DAB1: variants seen among roughly 807,000 people sequenced by gnomAD.
The protein encoded by DAB1 is DAB adaptor protein 1.
A neutral mutation model predicts 64.6 loss-of-function variants in DAB1; 15 were observed. The ratio of observed to expected loss-of-function variants is 0.23; its 90% CI spans 0.16 to 0.36. DAB1 has a LOEUF of 0.36. Ranked by LOEUF, DAB1 falls within the 10% of genes least tolerant of loss-of-function variation. The pLI is 1.00. For missense variants in DAB1, 596 were observed against 706.7 expected (o/e 0.84, Z 1.78); for synonymous variants, 235 against 251.9 (o/e 0.93, Z 0.64).
chr1:58,541,614 C>CAAAAAAAAAAA (rs60360589), intron 1 of DAB1: 17 of 65,616 alleles, frequency 2.6e-4, no homozygotes, highest in African/African-American at 3.6e-4. Context: ...GAGAACCTGT[C>CAAAAAAAAAAA]AAAAAAAAAA....
intron 5 of DAB1, among the ~76,000 whole-genome samples, chr1:57,900,020 CCT>C (rs1644451042): frequency 1.3e-5 from 2 of 151,874 alleles, no homozygotes; most frequent in Admixed American, 6.6e-5. Context: ...TTAACTGCAG[CCT>C]CTGACTCCTA....
intron 6 of DAB1, among the ~76,000 whole-genome samples, chr1:57,681,035 T>C (rs975420477): frequency 6.6e-5 from 10 of 152,328 alleles, no homozygotes; most frequent in East Asian, 5.8e-4. Flanking sequence ...ACTGGATGAC[T>C]TAAAATAATA....
At chr1:57,787,029 G>A (rs1313642349) in intron 6 of DAB1, among the ~76,000 whole-genome samples, 4 of 151,700 alleles carry the variant, frequency 2.6e-5, no homozygotes, top group Non-Finnish European at 4.4e-5. Flanking sequence ...CTAAATAAAT[G>A]GAAAGATAAA....
chr1:58,403,644 A>G (rs1644591263), intron 3 of DAB1, among the ~76,000 whole-genome samples: 1 of 152,186 alleles, frequency 6.6e-6, no homozygotes, highest in South Asian at 2.1e-4. Flanking sequence ...TCATGTGTAA[A>G]ATGCAAGGAA....
At chr1:57,655,158 TA>T (rs1646301564) in intron 6 of DAB1, among the ~76,000 whole-genome samples, 3 of 152,286 alleles carry the variant, frequency 2.0e-5, no homozygotes, top group Admixed American at 2.0e-4. Context: ...CAAATTTTCA[TA>T]ACCAATAAGG....
rs1038639955 is a variant in DAB1 at position 57,227,383 on chromosome 1, T to TGA, written c.67+63579_67+63580dup. 3.3e-5 allele frequency among the ~76,000 whole-genome samples: 5 copies of TGA among 152,018 alleles called. No individual in the cohort carries two copies. In the East Asian group the frequency reaches 9.6e-4, roughly 29 times the overall value. ...TATCATTACAGAGCTTATAGTCTAATGAGAGAGAGAGACACAGTAAAACAA... is the reference window on the plus strand; with the variant it reads ...TATCATTACAGAGCTTATAGTCTAATGAGAGAGAGAGAGACACAGTAAAACAA... On this transcript the variant is annotated intron_variant, in intron 2 of 14. Transcript: ENST00000371236.
chr1:57,469,871 C>T (rs1297478945), intron 7 of DAB1, among the ~76,000 whole-genome samples: 1 of 152,134 alleles, frequency 6.6e-6, no homozygotes, highest in Admixed American at 6.5e-5. Context: ...TATATATTAA[C>T]ATATTAAAGG....
chr1:58,152,131 T>C (rs1167825023), intron 4 of DAB1, among the ~76,000 whole-genome samples: 1 of 152,152 alleles, frequency 6.6e-6, no homozygotes, highest in East Asian at 1.9e-4. Context: ...TAGTATTTTT[T>C]CGACTCACTT....
At position 56,996,653 on chromosome 1, in the gene DAB1, A is replaced by G. The variant is rs1423481696; in HGVS notation, c.*1491T>C. ...CACGTAGGGTGGGGACTCTCGTGGA[A>G]AGGCTAGATGATGGAGTCACGTGCT... On this transcript the variant is annotated 3_prime_UTR_variant, in exon 15 of 15. Coordinates refer to ENST00000371236, the MANE Select transcript of DAB1 (RefSeq NM_001365792.1). 2 of 152,338 alleles carry G rather than the reference A, an allele frequency of 1.3e-5. No homozygotes were observed. The highest frequency in any genetic ancestry group is 2.9e-5 in the Non-Finnish European group (2 of 68,016). The allele number at this position is 152,338 out of a possible 1,614,324, so 9.4% of individuals were successfully genotyped here.
intron 4 of DAB1, among the ~76,000 whole-genome samples, chr1:58,337,301 A>AG (rs1258516512): frequency 6.6e-6 from 1 of 150,756 alleles, no homozygotes; most frequent in Non-Finnish European, 1.5e-5. Flanking sequence ...AAAAAAAAAA[A>AG]GCAAAGTAAA....
intron 7 of DAB1, among the ~76,000 whole-genome samples, chr1:57,523,445 A>G (rs1310067763): frequency 6.6e-6 from 1 of 152,236 alleles, no homozygotes; most frequent in Middle Eastern, 3.2e-3. Context: ...TTGCACTTGT[A>G]TATGAACAAA....
At chr1:57,333,343 C>CT (rs1375640354) in intron 1 of DAB1, among the ~76,000 whole-genome samples, 1 of 152,204 alleles carries the variant, frequency 6.6e-6, no homozygotes, top group African/African-American at 2.4e-5. Context: ...AAGCAACTCA[C>CT]TTAACGGCTC....
At chr1:57,268,801 T>C (rs1401636381) in intron 2 of DAB1, among the ~76,000 whole-genome samples, 1 of 152,184 alleles carries the variant, frequency 6.6e-6, no homozygotes. Flanking sequence ...AGATGATCTG[T>C]CAAGGGCCAG....
chr1:57,529,715 C>T (rs1399201740), intron 7 of DAB1, among the ~76,000 whole-genome samples: 1 of 152,046 alleles, frequency 6.6e-6, no homozygotes, highest in African/African-American at 2.4e-5. Context: ...AATAGCAAAA[C>T]CAGACAAATC....
chr1:58,175,467 A>G (rs921846602), intron 4 of DAB1, among the ~76,000 whole-genome samples: 1 of 152,200 alleles, frequency 6.6e-6, no homozygotes, highest in Non-Finnish European at 1.5e-5. Context: ...GAAGGAACCA[A>G]TTCCGGGCAC....
intron 4 of DAB1, among the ~76,000 whole-genome samples, chr1:58,260,554 G>A (rs1286066659): frequency 6.6e-6 from 1 of 152,082 alleles, no homozygotes; most frequent in African/African-American, 2.4e-5. Flanking sequence ...CCTGTTGTGG[G>A]CTAGCCACTG....
At chr1:58,188,918 C>T (rs911856216) in intron 4 of DAB1, among the ~76,000 whole-genome samples, 3 of 152,070 alleles carry the variant, frequency 2.0e-5, no homozygotes, top group African/African-American at 7.2e-5. Flanking sequence ...ACAAGGGAAC[C>T]AAGCACAGCA....
intron 9 of DAB1, chr1:57,033,435 T>C: frequency 6.2e-7 from 1 of 1,612,950 alleles, no homozygotes; most frequent in Non-Finnish European, 8.5e-7. Flanking sequence ...GTTTCTGTTC[T>C]GTAACCACAA....
intron 5 of DAB1, among the ~76,000 whole-genome samples, chr1:57,920,140 T>G (rs1644787494): frequency 6.6e-6 from 1 of 152,176 alleles, no homozygotes; most frequent in Admixed American, 6.5e-5. Context: ...CTTAAGTTTG[T>G]AGAATTGTAA....
Sources: allele counts gnomAD v4.1 joint callset (sites outside exome capture counted in the v4.1 genomes callset), GRCh38; gene constraint gnomAD v4.1.1; transcripts MANE v1.5; gene names NCBI Gene and HGNC (gene_info 2026-07-23, HGNC 2026-07-21).